Variants in CAST observed in about 807,000 individuals in gnomAD.
CAST encodes the protein MIR583 host.
A neutral mutation model predicts 119.6 loss-of-function variants in CAST; 76 were observed. The observed-to-expected ratio is 0.64, with a 90% CI of 0.53 to 0.77. CAST has a LOEUF of 0.77. Among genes scored for constraint, CAST ranks in the 30% least tolerant of loss-of-function variants. CAST has a pLI of 0.00. For synonymous variants in CAST, 319 were observed against 331.6 expected (o/e 0.96, Z 0.41); for missense variants, 953 against 946.5 (o/e 1.01, Z -0.09).
chr5:96,701,761 C>T (rs1186741878), intron 3 of CAST, among the ~76,000 whole-genome samples: 5 of 149,700 alleles, frequency 3.3e-5, no homozygotes, highest in Admixed American at 6.7e-5. Context: ...GCTGAGATCA[C>T]GTGACTGCAC....
the CAST span, among the ~76,000 whole-genome samples, chr5:95,999,825 C>G: frequency 1.3e-5 from 2 of 152,098 alleles, no homozygotes; most frequent in Non-Finnish European, 2.9e-5. Context: ...TGAGAAACTG[C>G]CAAATTGTTT....
the CAST span, among the ~76,000 whole-genome samples, chr5:96,394,374 T>C: frequency 6.6e-6 from 1 of 152,226 alleles, no homozygotes; most frequent in African/African-American, 2.4e-5. Context: ...CTCCCCTTGG[T>C]GTTGCCAAGA....
intron 22 of CAST, 23 bp downstream of exon 22, chr5:96,754,764 C>CTATTT: frequency 7.3e-7 from 1 of 1,362,330 alleles, no homozygotes; most frequent in Non-Finnish European, 1.0e-6. Context: ...GAGTCTTTTT[C>CTATTT]TATTTTATTT....
At chr5:96,009,811 G>A in the CAST span, among the ~76,000 whole-genome samples, 4 of 152,192 alleles carry the variant, frequency 2.6e-5, no homozygotes, top group South Asian at 6.2e-4. Flanking sequence ...GATCCCACTT[G>A]TTAATTTTTG....
intron 3 of CAST, among the ~76,000 whole-genome samples, chr5:96,711,592 A>G (rs1182349369): frequency 6.6e-6 from 1 of 152,230 alleles, no homozygotes; most frequent in Non-Finnish European, 1.5e-5. Context: ...ATAAATGAGG[A>G]GACTGAGGGC....
At chr5:95,995,821 T>C in the CAST span, among the ~76,000 whole-genome samples, 1 of 152,086 alleles carries the variant, frequency 6.6e-6, no homozygotes, top group African/African-American at 2.4e-5. Context: ...CTATATCCAA[T>C]GCATGACCCA....
At chr5:96,562,167 G>T (rs549801450) in intron 1 of CAST, among the ~76,000 whole-genome samples, 1 of 149,542 alleles carries the variant, frequency 6.7e-6, no homozygotes, top group African/African-American at 2.5e-5. Context: ...AATTTAGAAG[G>T]CGTTAATAAA....
At chr5:96,694,434 G>A (rs924039966) in intron 2 of CAST, among the ~76,000 whole-genome samples, 10 of 152,120 alleles carry the variant, frequency 6.6e-5, no homozygotes, top group Admixed American at 1.3e-4. Context: ...TCAGGAGATC[G>A]AGACCATTCT....
the CAST span, among the ~76,000 whole-genome samples, chr5:96,348,375 AGAGAGG>A: frequency 6.6e-5 from 10 of 151,520 alleles, no homozygotes; most frequent in Admixed American, 2.6e-4. Flanking sequence ...GGCCTGGGAG[AGAGAGG>A]GAGAGGGAGA....
chr5:96,042,160 G>T, the CAST span, among the ~76,000 whole-genome samples: 2 of 152,108 alleles, frequency 1.3e-5, no homozygotes, highest in African/African-American at 4.8e-5. Flanking sequence ...ACAAAATCAG[G>T]TAACTGGGTG....
upstream of CAST, chr5:96,662,152 G>T (rs1748588010): frequency 2.6e-6 from 1 of 390,682 alleles, no homozygotes; most frequent in Admixed American, 4.8e-5. Flanking sequence ...GCTGGGGCCG[G>T]GGCGGGTCAC....
At chr5:96,533,689 C>T (rs547605346) in intron 1 of CAST, among the ~76,000 whole-genome samples, 2 of 152,162 alleles carry the variant, frequency 1.3e-5, no homozygotes, top group Non-Finnish European at 2.9e-5. Context: ...TGCCACTTTT[C>T]ATTCAGATGG....
chr5:96,417,614 A>T, the CAST span, among the ~76,000 whole-genome samples: 1 of 152,050 alleles, frequency 6.6e-6, no homozygotes, highest in Non-Finnish European at 1.5e-5. Flanking sequence ...AGCACTAGAG[A>T]TGGAAACAGA....
At chr5:95,978,011 G>A in the CAST span, among the ~76,000 whole-genome samples, 118 of 150,924 alleles carry the variant, frequency 7.8e-4, 1 homozygote, top group Non-Finnish European at 1.4e-3. Context: ...GGTATTCCAC[G>A]GTGTGTATGT....
chr5:96,242,027 T>A, the CAST span, among the ~76,000 whole-genome samples: 1 of 145,552 alleles, frequency 6.9e-6, no homozygotes, highest in Non-Finnish European at 1.5e-5. Context: ...CTGTTCACTC[T>A]GATGGTAGTT....
At chr5:96,128,536 C>T in the CAST span, among the ~76,000 whole-genome samples, 1 of 152,114 alleles carries the variant, frequency 6.6e-6, no homozygotes, top group Admixed American at 6.6e-5. Flanking sequence ...CTCAATTTAA[C>T]CTTGCTTTTT....
intron 1 of CAST, among the ~76,000 whole-genome samples, chr5:96,603,917 C>T (rs947117185): frequency 6.6e-6 from 1 of 151,872 alleles, no homozygotes; most frequent in Non-Finnish European, 1.5e-5. Flanking sequence ...GTGCATGCCA[C>T]CATGCCAGGC....
At chr5:96,356,775 A>T in the CAST span, among the ~76,000 whole-genome samples, 1 of 152,150 alleles carries the variant, frequency 6.6e-6, no homozygotes, top group East Asian at 1.9e-4. Flanking sequence ...TGATGCCTCC[A>T]GCTTTGTTCT....
intron 10 of CAST, among the ~76,000 whole-genome samples, chr5:96,737,101 C>T (rs1210081208): frequency 6.6e-6 from 1 of 152,198 alleles, no homozygotes; most frequent in Admixed American, 6.5e-5. Flanking sequence ...CCCAATGATC[C>T]AGTCACCTCC....
Sources: allele counts gnomAD v4.1 joint callset (sites outside exome capture counted in the v4.1 genomes callset), GRCh38; gene constraint gnomAD v4.1.1; transcripts MANE v1.5; gene names NCBI Gene and HGNC (gene_info 2026-07-23, HGNC 2026-07-21).